TLE4: variants seen among roughly 807,000 people sequenced by gnomAD.
TLE4 encodes the protein TLE family member 4, transcriptional corepressor, also known as transducin-like enhancer protein 4.
In TLE4, 8 loss-of-function variants were observed where a neutral mutation model predicts 92.8. That is an observed-to-expected ratio of 0.09 (90% confidence interval 0.05 to 0.16). The LOEUF (loss-of-function observed/expected upper bound fraction) is 0.16, where lower values mean the gene tolerates loss of function less well. Among genes scored for constraint, TLE4 ranks in the 10% least tolerant of loss-of-function variants. The probability of loss-of-function intolerance (pLI) is 1.00; values close to 1 mark genes in which losing one functional copy is unlikely to be tolerated. For missense variants in TLE4, 675 were observed against 997.6 expected (o/e 0.68, Z 4.36); for synonymous variants, 371 against 374.1 (o/e 0.99, Z 0.10).
chr9:79,719,739 G>C (rs544111593), intron 15 of TLE4, among the ~76,000 whole-genome samples: 2 of 152,192 alleles, frequency 1.3e-5, no homozygotes, highest in African/African-American at 4.8e-5. Context: ...ATTAGTGTAC[G>C]TGTGTATCTG....
intron 8 of TLE4, among the ~76,000 whole-genome samples, chr9:79,664,905 C>T (rs531254955): frequency 7.2e-4 from 109 of 151,984 alleles, no homozygotes; most frequent in South Asian, 6.0e-3. Context: ...TTTCTCTCTC[C>T]ATTCTTCCTT....
At chr9:79,674,835 A>T (rs964719133) in intron 8 of TLE4, among the ~76,000 whole-genome samples, 7 of 152,172 alleles carry the variant, frequency 4.6e-5, no homozygotes, top group African/African-American at 1.7e-4. Flanking sequence ...CAACAGATGT[A>T]TCCTCCTCTT....
intron 18 of TLE4, 69 bp from the exon 19 acceptor site, chr9:79,722,890 T>C (rs1588664066): frequency 9.0e-6 from 13 of 1,445,748 alleles, no homozygotes. Flanking sequence ...TTTGGTGTTC[T>C]ATAAAGCAAA....
At chr9:79,617,099 G>T (rs1358614376) in intron 5 of TLE4, among the ~76,000 whole-genome samples, 1 of 152,164 alleles carries the variant, frequency 6.6e-6, no homozygotes, top group Non-Finnish European at 1.5e-5. Context: ...GGAAAGGAAT[G>T]ACTTAGTAAA....
chr9:79,693,965 G>A (rs988461419), intron 8 of TLE4, among the ~76,000 whole-genome samples: 1 of 152,162 alleles, frequency 6.6e-6, no homozygotes. Flanking sequence ...TTACTGAGTA[G>A]CGCTGTAGTG....
intron 16 of TLE4, among the ~76,000 whole-genome samples, chr9:79,720,953 C>T (rs1209158587): frequency 1.3e-5 from 2 of 152,114 alleles, no homozygotes; most frequent in South Asian, 2.1e-4. Context: ...AAATGATTTT[C>T]TAGGTGTCAA....
At chr9:79,606,441 A>G (rs551997387) in intron 4 of TLE4, among the ~76,000 whole-genome samples, 3 of 148,064 alleles carry the variant, frequency 2.0e-5, no homozygotes, top group Admixed American at 6.8e-5. Flanking sequence ...GGTTTGTTAC[A>G]TAGGTATATA....
chr9:79,616,226 C>T (rs569993747), intron 5 of TLE4, among the ~76,000 whole-genome samples: 1 of 152,260 alleles, frequency 6.6e-6, no homozygotes, highest in Admixed American at 6.5e-5. Flanking sequence ...GGGTCCTGGC[C>T]TCCCTATTAC....
At chr9:79,717,841 A>G (rs2074850307) in intron 14 of TLE4, among the ~76,000 whole-genome samples, 1 of 152,142 alleles carries the variant, frequency 6.6e-6, no homozygotes, top group African/African-American at 2.4e-5. Flanking sequence ...AGTCCCCAAG[A>G]TAGGCCCAGC....
At chr9:79,667,330 G>T (rs561661425) in intron 8 of TLE4, among the ~76,000 whole-genome samples, 9 of 152,216 alleles carry the variant, frequency 5.9e-5, no homozygotes, top group South Asian at 2.1e-4. Flanking sequence ...CCACGTCAGG[G>T]GCCCTTCTCC....
chr9:79,584,400 C>G (rs925166351), intron 4 of TLE4, among the ~76,000 whole-genome samples: 3 of 152,128 alleles, frequency 2.0e-5, no homozygotes, highest in Non-Finnish European at 4.4e-5. Context: ...AAGCCAAGGT[C>G]CACTTTTAGA....
chr9:79,714,054 C>T (rs1044046897), intron 14 of TLE4, among the ~76,000 whole-genome samples: 2 of 151,998 alleles, frequency 1.3e-5, no homozygotes, highest in Admixed American at 6.6e-5. Context: ...TTTTAGTAGA[C>T]ATGAGGTTTC....
intron 2 of TLE4, 29 bp downstream of exon 2, chr9:79,573,815 C>T (rs1403514390): frequency 6.7e-7 from 1 of 1,497,126 alleles, no homozygotes; most frequent in African/African-American, 1.4e-5. Context: ...GCTGATCCTT[C>T]TGTTTGCTTA....
intron 4 of TLE4, among the ~76,000 whole-genome samples, chr9:79,589,513 A>G (rs2042019467): frequency 6.6e-6 from 1 of 152,002 alleles, no homozygotes; most frequent in Non-Finnish European, 1.5e-5. Flanking sequence ...CACTGAAAAC[A>G]TCCAGATCTT....
intron 8 of TLE4, among the ~76,000 whole-genome samples, chr9:79,655,173 ATATG>A (rs1423062350): frequency 6.6e-6 from 1 of 152,100 alleles, no homozygotes; most frequent in Non-Finnish European, 1.5e-5. Flanking sequence ...ACATACATAC[ATATG>A]TACACCATTG....
At chr9:79,636,273 C>G (rs564744592) in intron 6 of TLE4, among the ~76,000 whole-genome samples, 85 of 152,222 alleles carry the variant, frequency 5.6e-4, no homozygotes, top group African/African-American at 1.9e-3. Flanking sequence ...GCCTGGGCAA[C>G]AGCAGGATTT....
chr9:79,694,466 A>G (rs1171869523), intron 8 of TLE4, among the ~76,000 whole-genome samples: 1 of 152,168 alleles, frequency 6.6e-6, no homozygotes, highest in Non-Finnish European at 1.5e-5. Flanking sequence ...AGTCTCCTGC[A>G]TCTTAGATCT....
intron 4 of TLE4, among the ~76,000 whole-genome samples, chr9:79,604,926 G>C (rs2046459716): frequency 1.3e-5 from 2 of 152,020 alleles, no homozygotes; most frequent in Admixed American, 1.3e-4. Flanking sequence ...GCTAAGTATG[G>C]AAAAGCTTAA....
chr9:79,572,100 C>T lies in TLE4; in HGVS notation c.-691C>T, dbSNP rs2035996760. On this transcript the variant is annotated 5_prime_UTR_variant, in exon 1 of 20. Coordinates refer to ENST00000376552, the MANE Select transcript of TLE4 (RefSeq NM_007005.6). ...AAGGAGAGAGAATTAAAAAAAAAAG[C>T]CGCAAGCGTTTCACTCTTTTATTTT... is the stretch of plus-strand genomic sequence containing the variant. 1.3e-5 allele frequency: 2 copies of T among 150,766 alleles called. No individual in the cohort carries two copies. The highest frequency in any genetic ancestry group is 4.9e-5 in the African/African-American group (2 of 41,008). 9.3% of individuals were successfully genotyped at this position (150,766 alleles called of 1,614,324 possible).
Sources: gnomAD v4.1 joint callset for allele counts (sites outside exome capture counted in the v4.1 genomes callset) on GRCh38, gnomAD v4.1.1 for gene constraint, MANE v1.5 for transcripts, NCBI Gene and HGNC (gene_info 2026-07-23, HGNC 2026-07-21) for gene names.